Variants in PLPP1 observed in about 807,000 individuals in gnomAD.
The protein encoded by PLPP1 is phospholipid phosphatase 1.
A neutral mutation model predicts 31.2 loss-of-function variants in PLPP1; 24 were observed. That is an observed-to-expected ratio of 0.77 (90% confidence interval 0.56 to 1.08). PLPP1 has a LOEUF of 1.08. PLPP1 is among the 50% of genes least tolerant of loss of function. PLPP1 has a pLI of 0.00. For missense variants in PLPP1, 319 were observed against 342.7 expected (o/e 0.93, Z 0.55); for synonymous variants, 146 against 126.3 (o/e 1.16, Z -1.05).
intron 3 of PLPP1, among the ~76,000 whole-genome samples, chr5:55,463,635 C>CA (rs1192070216): frequency 1.2e-4 from 17 of 147,186 alleles, no homozygotes; most frequent in East Asian, 8.0e-4. Context: ...GGCTCTGTCT[C>CA]AAAAAAAAAG....
At chr5:55,525,621 C>T (rs1740401140) in intron 1 of PLPP1, among the ~76,000 whole-genome samples, 1 of 152,162 alleles carries the variant, frequency 6.6e-6, no homozygotes, top group African/African-American at 2.4e-5. Context: ...CAGGCATGAG[C>T]CACCATGCCT....
rs1357280976 is a variant in PLPP1, at chr5:55,470,499, C to T, written c.211-2350G>A. ...CTAGGAATATTCAGAATACTGGGCA[C>T]AGATTAAAAGCTGATCTTCAGAAGT... On this transcript the variant is annotated intron_variant, in intron 2 of 5. Transcript: ENST00000307259. 5.3e-5 allele frequency among the ~76,000 whole-genome samples: 8 copies of T among 152,280 alleles called. No individual in the cohort carries two copies. The South Asian group carries it at 1.7e-3, about 32-fold the overall frequency.
At chr5:55,430,028 T>C (rs1374391527) in intron 4 of PLPP1, among the ~76,000 whole-genome samples, 1 of 152,092 alleles carries the variant, frequency 6.6e-6, no homozygotes, top group African/African-American at 2.4e-5. Context: ...CATTAACACC[T>C]GAGCACTCCT....
chr5:55,475,892 G>A (rs1752538686), intron 1 of PLPP1, among the ~76,000 whole-genome samples: 1 of 151,864 alleles, frequency 6.6e-6, no homozygotes, highest in African/African-American at 2.4e-5. Context: ...AGCTATCAGA[G>A]TATCTAAATA....
At chr5:55,451,900 C>A (rs1751903049) in intron 3 of PLPP1, among the ~76,000 whole-genome samples, 1 of 152,156 alleles carries the variant, frequency 6.6e-6, no homozygotes, top group Non-Finnish European at 1.5e-5. Flanking sequence ...GTATCCCAAG[C>A]CCTTCTGCTG....
intron 1 of PLPP1, among the ~76,000 whole-genome samples, chr5:55,504,394 C>T (rs1276695871): frequency 2.7e-5 from 4 of 148,892 alleles, no homozygotes; most frequent in African/African-American, 9.9e-5. Flanking sequence ...TGGTGGTGCA[C>T]GCCTGTTGTC....
intron 1 of PLPP1, among the ~76,000 whole-genome samples, chr5:55,490,683 A>C (rs772426696): frequency 2.6e-5 from 4 of 152,076 alleles, no homozygotes; most frequent in Non-Finnish European, 5.9e-5. Flanking sequence ...TTGTTTACTG[A>C]GAGGAGTTGA....
intron 1 of PLPP1, among the ~76,000 whole-genome samples, chr5:55,525,686 A>G (rs1740406945): frequency 1.3e-5 from 2 of 152,126 alleles, no homozygotes; most frequent in Non-Finnish European, 2.9e-5. Context: ...TACCTAAACC[A>G]TTTGCACATT....
intron 1 of PLPP1, among the ~76,000 whole-genome samples, chr5:55,518,283 T>A (rs943397245): frequency 2.2e-4 from 33 of 152,180 alleles, no homozygotes; most frequent in African/African-American, 7.5e-4. Context: ...TCTTAGAAAT[T>A]CTGATTCATT....
chr5:55,534,552 A>T lies in PLPP1; in HGVS notation c.58+20T>A, dbSNP rs11745331. The T allele has an allele frequency of 4.6e-5, 70 of 1,528,520 alleles. No homozygotes were observed. In the East Asian group the frequency reaches 1.6e-3, roughly 34 times the overall value. 94.7% of individuals were successfully genotyped at this position (1,528,520 alleles called of 1,614,324 possible). On this transcript the variant is annotated intron_variant, in intron 1 of 5. Transcript: ENST00000307259. ...CGGGACAGCCGCACACGCCCCTCGG[A>T]CCCGGCGGCGCGTACGTACCCAGCA...
chr5:55,452,514 C>T (rs1360956903), intron 3 of PLPP1, among the ~76,000 whole-genome samples: 1 of 152,158 alleles, frequency 6.6e-6, no homozygotes, highest in African/African-American at 2.4e-5. Flanking sequence ...TCAGATATTC[C>T]TTTATAGCAA....
chr5:55,504,814 CTTT>C (rs1170388009), intron 1 of PLPP1, among the ~76,000 whole-genome samples: 3 of 138,006 alleles, frequency 2.2e-5, no homozygotes, highest in East Asian at 2.1e-4. Context: ...CCTAACTTTC[CTTT>C]TTTTTTTTTT....
chr5:55,440,212 A>T (rs1751591180), intron 4 of PLPP1, among the ~76,000 whole-genome samples: 1 of 152,184 alleles, frequency 6.6e-6, no homozygotes, highest in Non-Finnish European at 1.5e-5. Flanking sequence ...CGAAAAACAA[A>T]CCACAATAGC....
intron 4 of PLPP1, among the ~76,000 whole-genome samples, chr5:55,438,831 G>A (rs866526386): frequency 4.9e-4 from 74 of 152,096 alleles, no homozygotes; most frequent in African/African-American, 1.7e-3. Flanking sequence ...AACCCGGGAG[G>A]TGGAGCTTGC....
At position 55,425,975 on chromosome 5, in the gene PLPP1, C is replaced by A. The variant is rs891079140; in HGVS notation, c.614G>T (p.Gly205Val). The change falls in exon 5 of 6, where the codon GGT becomes GTT. Residue 205 changes from glycine (G) to valine (V), a missense_variant. Coordinates refer to ENST00000307259, the MANE Select transcript of PLPP1 (RefSeq NM_003711.4). ...CACATAAATGGATACGGCAACAAGA[C>A]CAAATTGCAGTGTGGGGCGTAAGAG... ...ARLLRPTLQFGLVAVSIYVGL... is the reference protein window; with the variant it reads ...ARLLRPTLQFVLVAVSIYVGL... 1 of 1,613,870 alleles carries A rather than the reference C, an allele frequency of 6.2e-7. No homozygotes were observed. The highest frequency in any genetic ancestry group is 8.5e-7 in the Non-Finnish European group (1 of 1,179,930).
chr5:55,528,358 A>G lies in PLPP1; in HGVS notation c.58+6214T>C, dbSNP rs191565792. 1.2e-4 allele frequency among the ~76,000 whole-genome samples: 18 copies of G among 152,346 alleles called. No individual in the cohort carries two copies. The East Asian group carries it at 3.1e-3, about 26-fold the overall frequency. ...TCTCGTCTTTGCTCAAAGGGAACAT[A>G]TTCCAAACCTCCATTATCGTACTTA... On this transcript the variant is annotated intron_variant, in intron 1 of 5. Coordinates refer to ENST00000307259, the MANE Select transcript of PLPP1 (RefSeq NM_003711.4).
chr5:55,529,805 G>A (rs960140507), intron 1 of PLPP1, among the ~76,000 whole-genome samples: 3 of 151,988 alleles, frequency 2.0e-5, no homozygotes, highest in African/African-American at 7.3e-5. Flanking sequence ...TGTTTAATGT[G>A]TACAATAATA....
intron 1 of PLPP1, among the ~76,000 whole-genome samples, chr5:55,496,842 TTAAA>T: frequency 6.6e-6 from 1 of 152,314 alleles, no homozygotes; most frequent in Middle Eastern, 3.4e-3. Flanking sequence ...TTCCATTTTA[TTAAA>T]TATATGTCAT....
intron 1 of PLPP1, among the ~76,000 whole-genome samples, 173 bp downstream of exon 1, chr5:55,534,399 G>A (rs1429869853): frequency 1.3e-5 from 2 of 152,232 alleles, no homozygotes; most frequent in Non-Finnish European, 2.9e-5. Flanking sequence ...GCACGCGGGA[G>A]CCGGGGTGCA....
Sources: gnomAD v4.1 joint callset for allele counts (sites outside exome capture counted in the v4.1 genomes callset) on GRCh38, gnomAD v4.1.1 for gene constraint, MANE v1.5 for transcripts, NCBI Gene and HGNC (gene_info 2026-07-23, HGNC 2026-07-21) for gene names.